The following LMF1 variants were observed in gnomAD, a reference collection of about 807,000 sequenced individuals.
The protein encoded by LMF1 is lipase maturation factor 1, also known as transmembrane protein 112.
LMF1 carries 68 observed loss-of-function variants against 60.6 expected under a neutral mutation model. That is an observed-to-expected ratio of 1.12 (90% CI 0.92 to 1.37). The LOEUF is 1.37. Among genes scored for constraint, LMF1 ranks in the 40% most tolerant of loss-of-function variants. The pLI is 0.00. For synonymous variants in LMF1, 418 were observed against 324.7 expected (o/e 1.29, Z -3.09); for missense variants, 948 against 767.2 (o/e 1.24, Z -2.78).
chr16:891,248 C>G (rs2070479327), intron 5 of LMF1, among the ~76,000 whole-genome samples: 1 of 152,208 alleles, frequency 6.6e-6, no homozygotes, highest in Admixed American at 6.5e-5. Context: ...CCCAGAAACA[C>G]CACACCCTGG....
chr16:976,841 T>C (rs891580261), intron 1 of LMF1: 5 of 454,122 alleles, frequency 1.1e-5, no homozygotes, highest in African/African-American at 2.0e-5. Flanking sequence ...CCCTGAATCC[T>C]TTCCACATGC....
At chr16:929,552 G>A (rs1438423129) in intron 3 of LMF1, among the ~76,000 whole-genome samples, 1 of 152,242 alleles carries the variant, frequency 6.6e-6, no homozygotes, top group Admixed American at 6.5e-5. Flanking sequence ...ATGCGCAAGG[G>A]CGGCTGGAAG....
Position 854,761 on chromosome 16 carries a change from C to A in LMF1, c.1530-55G>T, listed in dbSNP as rs538783399. 4.2e-5 allele frequency: 62 copies of A among 1,484,556 alleles called. 1 individual carries two copies. The highest frequency in any genetic ancestry group is 5.2e-5 in the Non-Finnish European group (57 of 1,099,236). 92.0% of individuals were successfully genotyped at this position (1,484,556 alleles called of 1,614,324 possible). A position where few individuals can be genotyped will look rare whatever the true frequency, so the allele number is the denominator to read the frequency against. On this transcript the variant is annotated intron_variant, in intron 10 of 10. Transcript: ENST00000262301. Reference sequence around the variant, plus strand: ...CTGCTGGGACTCCCGGCCCCCGACCCGGCTCCTCAGCCTGCTGCTGAGCTG... The same window carrying A: ...CTGCTGGGACTCCCGGCCCCCGACCAGGCTCCTCAGCCTGCTGCTGAGCTG...
At chr16:921,022 AG>A in intron 3 of LMF1, 1 of 152,448 alleles carries the variant, frequency 6.6e-6, no homozygotes, top group Admixed American at 6.5e-5. Flanking sequence ...CAGGCTCGTG[AG>A]CTGGCCTCGG....
At chr16:882,148 A>C (rs988848770) in intron 5 of LMF1, among the ~76,000 whole-genome samples, 1 of 152,232 alleles carries the variant, frequency 6.6e-6, no homozygotes, top group Non-Finnish European at 1.5e-5. Context: ...CTTCCCACCA[A>C]GGCAACTGCA....
At chr16:899,586 C>G (rs560347127) in intron 4 of LMF1, 2 of 152,242 alleles carry the variant, frequency 1.3e-5, no homozygotes, top group African/African-American at 4.8e-5. Context: ...AATTCCATTA[C>G]GTTTAATGTG....
At chr16:915,774 G>A (rs2071262639) in intron 3 of LMF1, among the ~76,000 whole-genome samples, 2 of 152,244 alleles carry the variant, frequency 1.3e-5, no homozygotes, top group African/African-American at 2.4e-5. Flanking sequence ...GACACGCAGG[G>A]TGGGGCGACT....
chr16:916,616 C>T (rs913069187), intron 3 of LMF1, among the ~76,000 whole-genome samples: 1 of 152,160 alleles, frequency 6.6e-6, no homozygotes, highest in Non-Finnish European at 1.5e-5. Flanking sequence ...TGGTAGGCCA[C>T]ACCCACATGG....
At chr16:938,054 A>G (rs891637279) in intron 2 of LMF1, among the ~76,000 whole-genome samples, 1 of 45,032 alleles carries the variant, frequency 2.2e-5, no homozygotes, top group African/African-American at 2.6e-4. Flanking sequence ...AAATACCACA[A>G]AAAAAGAGGG....
intron 2 of LMF1, among the ~76,000 whole-genome samples, chr16:942,505 A>C (rs1199118172): frequency 1.2e-4 from 13 of 105,498 alleles, no homozygotes; most frequent in Non-Finnish European, 2.4e-4. Context: ...TCCAATCACA[A>C]GTATGTTAGA....
intron 10 of LMF1, among the ~76,000 whole-genome samples, chr16:866,176 G>C (rs2069604359): frequency 6.6e-6 from 1 of 152,212 alleles, no homozygotes; most frequent in Non-Finnish European, 1.5e-5. Context: ...TTTTTCCACT[G>C]AAAACTGAAC....
At chr16:954,871 C>T (rs566290428) in intron 1 of LMF1, among the ~76,000 whole-genome samples, 6 of 152,016 alleles carry the variant, frequency 3.9e-5, no homozygotes, top group Non-Finnish European at 7.4e-5. Flanking sequence ...CTGCAGCAGA[C>T]GCGGTGTGTG....
chr16:893,292 C>T (rs750366419), intron 4 of LMF1: 46 of 647,750 alleles, frequency 7.1e-5, no homozygotes, highest in African/African-American at 1.3e-4. Context: ...TAGTGCACAC[C>T]GCGGGCGTGA....
intron 10 of LMF1, among the ~76,000 whole-genome samples, chr16:865,443 C>G (rs2069586386): frequency 6.6e-6 from 1 of 151,686 alleles, no homozygotes; most frequent in Non-Finnish European, 1.5e-5. Flanking sequence ...CTCTGCCTCC[C>G]AGGTTCAAGC....
chr16:943,738 A>AG (rs1363695031), intron 2 of LMF1, among the ~76,000 whole-genome samples: 1 of 151,238 alleles, frequency 6.6e-6, no homozygotes, highest in East Asian at 1.9e-4. Context: ...AAAAAAAAAA[A>AG]AAAAAAAAAA....
chr16:918,261 C>T (rs1260826205), intron 3 of LMF1, among the ~76,000 whole-genome samples: 4 of 152,330 alleles, frequency 2.6e-5, no homozygotes, highest in East Asian at 1.9e-4. Flanking sequence ...CCCCTGCGCC[C>T]GGCCGCGCGG....
chr16:889,154 G>A (rs148844420), intron 5 of LMF1, among the ~76,000 whole-genome samples: 164 of 152,342 alleles, frequency 1.1e-3, no homozygotes, highest in Admixed American at 2.0e-3. Flanking sequence ...CTGGGAACAC[G>A]ACGTGAGGAA....
intron 2 of LMF1, among the ~76,000 whole-genome samples, chr16:936,437 A>G (rs1307106954): frequency 2.2e-5 from 3 of 134,528 alleles, no homozygotes; most frequent in Non-Finnish European, 4.8e-5. Context: ...GGGCTGAGGA[A>G]GGAGGCTGGG....
intron 3 of LMF1, among the ~76,000 whole-genome samples, chr16:928,088 G>C (rs576755753): frequency 6.6e-6 from 1 of 152,184 alleles, no homozygotes; most frequent in Non-Finnish European, 1.5e-5. Flanking sequence ...CCTGGGCCGC[G>C]GCCCCACACA....
Sources: allele counts gnomAD v4.1 joint callset (sites outside exome capture counted in the v4.1 genomes callset), GRCh38; gene constraint gnomAD v4.1.1; transcripts MANE v1.5; gene names NCBI Gene and HGNC (gene_info 2026-07-23, HGNC 2026-07-21).